The following NEGR1 variants were observed in gnomAD, a reference collection of about 807,000 sequenced individuals.
The protein encoded by NEGR1 is IgLON family member 4.
Under a neutral mutation model 40.9 loss-of-function variants are expected in NEGR1, and 10 were observed. The ratio of observed to expected loss-of-function variants is 0.24; its 90% CI spans 0.15 to 0.42. NEGR1 has a LOEUF of 0.42. Among genes scored for constraint, NEGR1 ranks in the 10% least tolerant of loss-of-function variants. NEGR1 has a pLI of 1.00. For missense variants in NEGR1, 352 were observed against 438.9 expected, an observed-to-expected ratio of 0.80 and a Z score of 1.77; for synonymous variants, 185 against 166.8, an observed-to-expected ratio of 1.11 and a Z score of -0.84.
At chr1:71,760,279 T>G (rs1010332155) in intron 3 of NEGR1, among the ~76,000 whole-genome samples, 6 of 152,172 alleles carry the variant, frequency 3.9e-5, no homozygotes, top group African/African-American at 1.4e-4. Flanking sequence ...AGAGGCCCAT[T>G]GTTCTGGCAT....
intron 6 of NEGR1, among the ~76,000 whole-genome samples, chr1:71,519,842 C>T (rs535553420): frequency 1.3e-5 from 2 of 151,410 alleles, no homozygotes; most frequent in African/African-American, 2.4e-5. Flanking sequence ...TACTTCCAAA[C>T]TGAGATGTGT....
intron 6 of NEGR1, among the ~76,000 whole-genome samples, chr1:71,410,998 T>C (rs1331036133): frequency 2.0e-5 from 3 of 152,188 alleles, no homozygotes; most frequent in Admixed American, 2.0e-4. Context: ...TAGTAACTGG[T>C]AATATACTTA....
At chr1:71,610,089 C>T (rs757478673) in intron 5 of NEGR1, among the ~76,000 whole-genome samples, 22 of 152,158 alleles carry the variant, frequency 1.4e-4, no homozygotes, top group African/African-American at 5.1e-4. Flanking sequence ...TCAATTAAAC[C>T]TCTCTCCTTT....
intron 1 of NEGR1, among the ~76,000 whole-genome samples, chr1:72,102,497 A>G (rs1470107433): frequency 6.6e-6 from 1 of 152,110 alleles, no homozygotes; most frequent in Non-Finnish European, 1.5e-5. Context: ...AGAAAATAGC[A>G]TTTAAATTCA....
At chr1:71,834,015 T>A (rs1242803569) in intron 2 of NEGR1, among the ~76,000 whole-genome samples, 1 of 152,114 alleles carries the variant, frequency 6.6e-6, no homozygotes, top group Non-Finnish European at 1.5e-5. Flanking sequence ...TGGCAGACAA[T>A]TAATAAATGT....
intron 3 of NEGR1, among the ~76,000 whole-genome samples, chr1:71,711,341 C>CAAAAAA (rs59376519): frequency 1.1e-3 from 63 of 58,608 alleles, no homozygotes; most frequent in East Asian, 1.9e-3. Flanking sequence ...GAGATTCCAC[C>CAAAAAA]AAAAAAAAAA....
chr1:72,275,454 G>T (rs1656015208), intron 1 of NEGR1, among the ~76,000 whole-genome samples: 1 of 151,778 alleles, frequency 6.6e-6, no homozygotes, highest in Admixed American at 6.6e-5. Flanking sequence ...AAAGCAAAAA[G>T]ACAGGTAATA....
At chr1:71,447,227 C>T (rs1207734723) in intron 6 of NEGR1, among the ~76,000 whole-genome samples, 1 of 152,138 alleles carries the variant, frequency 6.6e-6, no homozygotes, top group East Asian at 1.9e-4. Flanking sequence ...TGCCTCTGAA[C>T]AACCTTCGCC....
chr1:71,839,073 G>T (rs1659142724), intron 2 of NEGR1, among the ~76,000 whole-genome samples: 1 of 150,872 alleles, frequency 6.6e-6, no homozygotes, highest in African/African-American at 2.4e-5. Context: ...GCATATCTGT[G>T]CCTCAGCAAA....
intron 1 of NEGR1, among the ~76,000 whole-genome samples, chr1:72,196,097 T>TA (rs1310470378): frequency 6.6e-6 from 1 of 151,934 alleles, no homozygotes; most frequent in African/African-American, 2.4e-5. Context: ...TGTGGAGAAG[T>TA]AAAAAGGAGA....
chr1:71,779,412 T>C (rs953011663), intron 2 of NEGR1, among the ~76,000 whole-genome samples: 1 of 152,178 alleles, frequency 6.6e-6, no homozygotes, highest in Non-Finnish European at 1.5e-5. Context: ...CATTTTCCTT[T>C]CCCATTTTAC....
chr1:71,425,639 C>A (rs1185676745), intron 6 of NEGR1, among the ~76,000 whole-genome samples: 6 of 152,052 alleles, frequency 3.9e-5, no homozygotes, highest in Admixed American at 1.3e-4. Flanking sequence ...CCTGTGTGCA[C>A]CCCTCCACAC....
chr1:71,953,030 G>C (rs1034039659), intron 1 of NEGR1, among the ~76,000 whole-genome samples: 9 of 151,312 alleles, frequency 5.9e-5, no homozygotes, highest in African/African-American at 2.4e-5. Flanking sequence ...TTGCTCAAGA[G>C]CTCTTATGGA....
chr1:72,216,733 A>T (rs1653834542), intron 1 of NEGR1, among the ~76,000 whole-genome samples: 3 of 151,368 alleles, frequency 2.0e-5, no homozygotes, highest in South Asian at 4.1e-4. Context: ...ATAATAAATT[A>T]ATGTGATTAT....
At chr1:71,527,586 C>T (rs1469868083) in intron 6 of NEGR1, among the ~76,000 whole-genome samples, 2 of 151,482 alleles carry the variant, frequency 1.3e-5, no homozygotes, top group Non-Finnish European at 3.0e-5. Context: ...CCTCTCTATT[C>T]CCGAATGAGT....
chr1:72,013,866 T>C (rs1257796901), intron 1 of NEGR1, among the ~76,000 whole-genome samples: 1 of 150,740 alleles, frequency 6.6e-6, no homozygotes, highest in Non-Finnish European at 1.5e-5. Context: ...ATATGAATTT[T>C]GCATGCAGTA....
At chr1:71,926,449 T>A (rs1015530401) in intron 2 of NEGR1, among the ~76,000 whole-genome samples, 2 of 152,052 alleles carry the variant, frequency 1.3e-5, no homozygotes. Context: ...CCTCTCAACA[T>A]ATTATTCATC....
chr1:71,754,799 T>G (rs1049026496), intron 3 of NEGR1, among the ~76,000 whole-genome samples: 15 of 152,308 alleles, frequency 9.8e-5, no homozygotes, highest in African/African-American at 3.6e-4. Flanking sequence ...ACTCATTAGA[T>G]CACTTTCTGA....
At chr1:71,573,907 C>T (rs1648879930) in intron 6 of NEGR1, among the ~76,000 whole-genome samples, 3 of 152,108 alleles carry the variant, frequency 2.0e-5, no homozygotes, top group Admixed American at 6.6e-5. Context: ...TTAAAGGATA[C>T]ACCTACCATT....
Sources: allele counts gnomAD v4.1 joint callset (sites outside exome capture counted in the v4.1 genomes callset), GRCh38; gene constraint gnomAD v4.1.1; transcripts MANE v1.5; gene names NCBI Gene and HGNC (gene_info 2026-07-23, HGNC 2026-07-21).